The following AGPS variants were observed in gnomAD, a reference collection of about 807,000 sequenced individuals.
AGPS encodes the protein alkyldihydroxyacetonephosphate synthase, peroxisomal.
AGPS carries 26 observed loss-of-function variants against 90.7 expected under a neutral mutation model. The observed-to-expected ratio is 0.29, with a 90% CI of 0.21 to 0.40. The LOEUF (loss-of-function observed/expected upper bound fraction) is 0.40. Among genes scored for constraint, AGPS ranks in the 10% least tolerant of loss-of-function variants. AGPS has a pLI of 1.00. For synonymous variants in AGPS, 294 were observed against 285.3 expected (o/e 1.03, Z -0.31); for missense variants, 540 against 816.1 (o/e 0.66, Z 4.12).
intron 10 of AGPS, among the ~76,000 whole-genome samples, chr2:177,474,101 G>A (rs1369837622): frequency 6.6e-6 from 1 of 152,118 alleles, no homozygotes; most frequent in African/African-American, 2.4e-5. Flanking sequence ...TAAACTTTTT[G>A]AATAAGTAAT....
chr2:177,514,985 G>A (rs187242452), intron 17 of AGPS, among the ~76,000 whole-genome samples: 54 of 151,184 alleles, frequency 3.6e-4, no homozygotes, highest in African/African-American at 1.3e-3. Flanking sequence ...ACTGACGATA[G>A]GATCAGAGAT....
rs1369328286 is a variant in AGPS at position 177,482,199 on chromosome 2, A to G, written c.1233+13A>G. On this transcript the variant is annotated intron_variant, in intron 11 of 19. Transcript: ENST00000264167. ...AATTGCAAAACAGGTAAAAGAAAAA[A>G]TATATATATATACATACATACATAT... The G allele has an allele frequency of 7.7e-7, 1 of 1,305,536 alleles. No homozygotes were observed. The highest frequency in any genetic ancestry group is 1.1e-6 in the Non-Finnish European group (1 of 944,964). 80.9% of individuals were successfully genotyped at this position (1,305,536 alleles called of 1,614,324 possible).
chr2:177,467,642 TC>T (rs1687493636), intron 9 of AGPS, among the ~76,000 whole-genome samples: 1 of 152,204 alleles, frequency 6.6e-6, no homozygotes, highest in South Asian at 2.1e-4. Context: ...TTTTAAGGGG[TC>T]CTCATTGGCA....
In AGPS at chr2:177,392,785, T is replaced by TAGCCATGGCGGAGGCGGC. The variant is rs756947757; in HGVS notation, c.-4_14dup. On this transcript the variant is annotated 5_prime_UTR_variant, in exon 1 of 20. It adds an upstream start codon to the 5' untranslated region. Coordinates refer to ENST00000264167, the MANE Select transcript of AGPS (RefSeq NM_003659.4). ...GGTTCCGGGCGGCAGCACAAGGCGG[T>TAGCCATGGCGGAGGCGGC]AGCCATGGCGGAGGCGGCGGCTGCA... 8 of 1,486,494 alleles carry TAGCCATGGCGGAGGCGGC rather than the reference T, an allele frequency of 5.4e-6. No individual in the cohort carries two copies. The Admixed American group carries it at 1.4e-4, about 26-fold the overall frequency. The allele number at this position is 1,486,494 out of a possible 1,614,324, so 92.1% of individuals were successfully genotyped here.
chr2:177,523,024 T>A (rs868566655), intron 18 of AGPS, among the ~76,000 whole-genome samples: 4 of 152,228 alleles, frequency 2.6e-5, no homozygotes, highest in Non-Finnish European at 2.9e-5. Context: ...CCTACCTGTG[T>A]CCTCTATAAG....
rs200041091 is a variant in AGPS at position 177,396,943 on chromosome 2, T to TTTTTTC, written c.260+3899_260+3900insCTTTTT. Among the ~76,000 whole-genome samples the TTTTTTC allele has an allele frequency of 1.8e-3, 208 of 113,456 alleles. 8 individuals are homozygous for TTTTTTC. Among genetic ancestry groups the TTTTTTC allele is most frequent in the East Asian group, 2.7e-3 (6 of 2,192 alleles). The allele number at this position is 113,456 out of a possible 152,430, so 74.4% of individuals were successfully genotyped here. ...GCACCAATTACTTCTTTTTCTTTTC[T>TTTTTTC]TTTTTTTTTTTTTGCTATGGAGTCT... is the stretch of plus-strand genomic sequence containing the variant. On this transcript the variant is annotated intron_variant, in intron 1 of 19. Coordinates refer to ENST00000264167, the MANE Select transcript of AGPS (RefSeq NM_003659.4).
rs1435525975 is a variant in AGPS, at chr2:177,541,347, A to G, written c.*3152A>G. Reference sequence around the variant, plus strand: ...TCCTTTGTCATATTCCTTTATAGCTACAACTTAACTGTAGCTTATCAGAGA... The same window carrying G: ...TCCTTTGTCATATTCCTTTATAGCTGCAACTTAACTGTAGCTTATCAGAGA... On this transcript the variant is annotated 3_prime_UTR_variant, in exon 20 of 20. Transcript: ENST00000264167. The G allele has an allele frequency of 6.6e-6, 1 of 152,152 alleles. No individual in the cohort carries two copies. Among genetic ancestry groups the G allele is most frequent in the Non-Finnish European group, 1.5e-5 (1 of 68,014 alleles). 9.4% of individuals were successfully genotyped at this position (152,152 alleles called of 1,614,324 possible). A position where few individuals can be genotyped will look rare whatever the true frequency, so the allele number is the denominator to read the frequency against.
chr2:177,541,945 A>G lies in AGPS; in HGVS notation c.*3750A>G, dbSNP rs2079240287. ...CAGCTTTCTGCTCCCTAAGCCAAACAGTGTTTGTCTTCAGTGTGAAATTTA... is the reference window on the plus strand; with the variant it reads ...CAGCTTTCTGCTCCCTAAGCCAAACGGTGTTTGTCTTCAGTGTGAAATTTA... On this transcript the variant is annotated 3_prime_UTR_variant, in exon 20 of 20. Coordinates refer to ENST00000264167, the MANE Select transcript of AGPS (RefSeq NM_003659.4). 2 of 152,202 alleles carry G rather than the reference A, an allele frequency of 1.3e-5. No homozygotes were observed. Among genetic ancestry groups the G allele is most frequent in the Admixed American group, 1.3e-4 (2 of 15,266 alleles). 9.4% of individuals were successfully genotyped at this position (152,202 alleles called of 1,614,324 possible). A position where few individuals can be genotyped will look rare whatever the true frequency, so the allele number is the denominator to read the frequency against.
intron 16 of AGPS, among the ~76,000 whole-genome samples, chr2:177,509,433 G>A (rs1017815900): frequency 6.6e-6 from 1 of 152,142 alleles, no homozygotes; most frequent in East Asian, 1.9e-4. Context: ...TTGGGAGGCC[G>A]AGACGGGCAG....
chr2:177,477,128 A>G (rs976074658), intron 10 of AGPS, among the ~76,000 whole-genome samples: 4 of 151,982 alleles, frequency 2.6e-5, no homozygotes, highest in African/African-American at 9.7e-5. Context: ...TGTTTAGTCC[A>G]TTCACATTTA....
At chr2:177,410,975 C>G (rs770263823) in intron 1 of AGPS, among the ~76,000 whole-genome samples, 1 of 152,044 alleles carries the variant, frequency 6.6e-6, no homozygotes, top group Non-Finnish European at 1.5e-5. Flanking sequence ...CCTTGTAGGC[C>G]GCACTGGAAG....
chr2:177,432,578 G>A (rs1219878815), intron 2 of AGPS, among the ~76,000 whole-genome samples: 2 of 152,200 alleles, frequency 1.3e-5, no homozygotes, highest in African/African-American at 2.4e-5. Context: ...TAAATATTGT[G>A]CATTCAGATA....
rs1446534603 is a variant in AGPS at position 177,523,674 on chromosome 2, G to A, written c.1798-74G>A. 4.0e-6 allele frequency: 5 copies of A among 1,239,416 alleles called. No individual in the cohort carries two copies. The Admixed American group carries it at 8.4e-5, about 21-fold the overall frequency. 76.8% of individuals were successfully genotyped at this position (1,239,416 alleles called of 1,614,324 possible). A position where few individuals can be genotyped will look rare whatever the true frequency, so the allele number is the denominator to read the frequency against. ...CCCAGGAAACATGTGCCTTCTTTGGGAGTTGGGTCTTTTTCTTTCACTGCA... is the reference window on the plus strand; with the variant it reads ...CCCAGGAAACATGTGCCTTCTTTGGAAGTTGGGTCTTTTTCTTTCACTGCA... On this transcript the variant is annotated intron_variant, in intron 18 of 19. Coordinates refer to ENST00000264167, the MANE Select transcript of AGPS (RefSeq NM_003659.4).
intron 11 of AGPS, among the ~76,000 whole-genome samples, chr2:177,488,628 A>G (rs1317594030): frequency 1.3e-5 from 2 of 152,142 alleles, no homozygotes; most frequent in Admixed American, 1.3e-4. Flanking sequence ...GCATATTATG[A>G]TAATTTTTTG....
At chr2:177,439,505 A>G (rs1686531468) in intron 5 of AGPS, among the ~76,000 whole-genome samples, 1 of 152,166 alleles carries the variant, frequency 6.6e-6, no homozygotes. Context: ...TGAGTATTCT[A>G]TTTAGTAAAT....
intron 2 of AGPS, among the ~76,000 whole-genome samples, chr2:177,433,928 A>G (rs113203334): frequency 6.6e-6 from 1 of 152,126 alleles, no homozygotes; most frequent in Non-Finnish European, 1.5e-5. Context: ...TTCCAGATGC[A>G]GCATTCACCC....
chr2:177,427,738 T>C (rs1008827458), intron 2 of AGPS, among the ~76,000 whole-genome samples: 9 of 152,134 alleles, frequency 5.9e-5, no homozygotes, highest in Admixed American at 1.3e-4. Flanking sequence ...CTGGGGGGTG[T>C]TTTAATTCCG....
intron 1 of AGPS, among the ~76,000 whole-genome samples, chr2:177,404,813 C>T (rs888674864): frequency 6.6e-6 from 1 of 151,990 alleles, no homozygotes; most frequent in Non-Finnish European, 1.5e-5. Context: ...ATTTTATTTC[C>T]AAGTTCATAC....
intron 1 of AGPS, among the ~76,000 whole-genome samples, chr2:177,410,669 G>A (rs1685595069): frequency 6.6e-6 from 1 of 152,162 alleles, no homozygotes; most frequent in African/African-American, 2.4e-5. Context: ...CAGATCTGGA[G>A]GACAGTTGTC....
Sources: gnomAD v4.1 joint callset for allele counts (sites outside exome capture counted in the v4.1 genomes callset) on GRCh38, gnomAD v4.1.1 for gene constraint, MANE v1.5 for transcripts, NCBI Gene and HGNC (gene_info 2026-07-23, HGNC 2026-07-21) for gene names.